Variants in KIRREL3 observed in about 807,000 individuals in gnomAD.
KIRREL3 encodes kin of IRRE-like protein 3.
In KIRREL3, 36 loss-of-function variants were observed where a neutral mutation model predicts 89.7. That is an observed-to-expected ratio of 0.40 (90% CI 0.31 to 0.53). The LOEUF is 0.53. KIRREL3 is among the 20% of genes least tolerant of loss of function. The probability of loss-of-function intolerance (pLI) is 0.49; values close to 1 mark genes in which losing one functional copy is unlikely to be tolerated. For missense variants in KIRREL3, 864 were observed against 1,056.6 expected (o/e 0.82, Z 2.53); for synonymous variants, 445 against 441.4 (o/e 1.01, Z -0.10).
At chr11:126,506,720 T>C (rs773577362) in intron 4 of KIRREL3, among the ~76,000 whole-genome samples, 2 of 152,168 alleles carry the variant, frequency 1.3e-5, no homozygotes, top group Non-Finnish European at 2.9e-5. Flanking sequence ...AATCTACTCA[T>C]GAAAAGTGAA....
intron 1 of KIRREL3, among the ~76,000 whole-genome samples, chr11:126,699,523 T>C (rs1253508327): frequency 6.6e-6 from 1 of 152,226 alleles, no homozygotes; most frequent in African/African-American, 2.4e-5. Flanking sequence ...TCGAATAGTA[T>C]GTTTTATTTT....
At chr11:126,907,921 A>G (rs1395482456) in intron 1 of KIRREL3, among the ~76,000 whole-genome samples, 1 of 152,032 alleles carries the variant, frequency 6.6e-6, no homozygotes, top group Non-Finnish European at 1.5e-5. Context: ...TTCCCCTGGG[A>G]TCTGCGTGGC....
At chr11:126,887,637 G>A (rs1945750802) in intron 1 of KIRREL3, among the ~76,000 whole-genome samples, 13 of 152,062 alleles carry the variant, frequency 8.5e-5, no homozygotes, top group Admixed American at 8.5e-4. Context: ...CCCCAATGTG[G>A]CCAAGAATGT....
chr11:126,504,381 C>A (rs540685059), intron 4 of KIRREL3, among the ~76,000 whole-genome samples: 1 of 152,140 alleles, frequency 6.6e-6, no homozygotes, highest in Non-Finnish European at 1.5e-5. Context: ...TATTGAGAAC[C>A]CTTCCATGAG....
chr11:126,695,682 G>C (rs1011187656), intron 1 of KIRREL3, among the ~76,000 whole-genome samples: 1 of 152,164 alleles, frequency 6.6e-6, no homozygotes, highest in Non-Finnish European at 1.5e-5. Context: ...CTGGCTGCCT[G>C]TCTGTGAGCT....
intron 1 of KIRREL3, among the ~76,000 whole-genome samples, chr11:126,847,901 C>G (rs1944202773): frequency 6.6e-6 from 1 of 152,128 alleles, no homozygotes; most frequent in African/African-American, 2.4e-5. Context: ...AATCTATTTT[C>G]TTTTGTAACA....
At chr11:126,497,509 C>T (rs1013969929) in intron 4 of KIRREL3, among the ~76,000 whole-genome samples, 7 of 152,204 alleles carry the variant, frequency 4.6e-5, no homozygotes, top group Admixed American at 2.6e-4. Context: ...AGGGCCACAA[C>T]GCACTCTTCC....
rs1299455678 is a variant in KIRREL3, at chr11:126,994,471, A to G, written c.55+5984T>C. On this transcript the variant is annotated intron_variant, in intron 1 of 16. Transcript: ENST00000525144. This position sits in a 1 kb window ranked among gnomAD's most constrained non-coding sequence, Gnocchi z 5.2. ...CCAAGGAATAGCTGACATTTATTTA[A>G]TGTTCATAGTGGTGTTGACTGTGTA... Among the ~76,000 whole-genome samples, 1 of 152,212 alleles carries G rather than the reference A, an allele frequency of 6.6e-6. No individual in the cohort carries two copies. The highest frequency in any genetic ancestry group is 2.4e-5 in the African/African-American group (1 of 41,444).
chr11:126,463,644 C>T lies in KIRREL3; in HGVS notation c.592-337G>A, dbSNP rs1007513795. 2.0e-5 allele frequency among the ~76,000 whole-genome samples: 3 copies of T among 152,202 alleles called. No individual in the cohort carries two copies. Among genetic ancestry groups the T allele is most frequent in the Admixed American group, 2.0e-4 (3 of 15,278 alleles). ...CAGGGAGGTCCCATGTTGAAATGAACTCACATCTTTTTGCCTCTGGTGCTT... is the reference window on the plus strand; with the variant it reads ...CAGGGAGGTCCCATGTTGAAATGAATTCACATCTTTTTGCCTCTGGTGCTT... On this transcript the variant is annotated intron_variant, in intron 5 of 16. Coordinates refer to ENST00000525144, the MANE Select transcript of KIRREL3 (RefSeq NM_032531.4). This position sits in a 1 kb window ranked among gnomAD's most constrained non-coding sequence, Gnocchi z 5.9.
At position 126,883,657 on chromosome 11, in the gene KIRREL3, C is replaced by T. The variant is rs1945589623; in HGVS notation, c.55+116798G>A. On this transcript the variant is annotated intron_variant, in intron 1 of 16. Transcript: ENST00000525144. This position sits in a 1 kb window ranked among gnomAD's most constrained non-coding sequence, Gnocchi z 4.1. ...AAACCTCTATTTTAGCATTTACTTC[C>T]TTACACATAGACTTTTTCCATTCCC... Among the ~76,000 whole-genome samples the T allele has an allele frequency of 6.6e-6, 1 of 152,106 alleles. No individual in the cohort carries two copies. Among genetic ancestry groups the T allele is most frequent in the Non-Finnish European group, 1.5e-5 (1 of 68,012 alleles).
chr11:126,889,795 T>TA (rs1945841516), intron 1 of KIRREL3, among the ~76,000 whole-genome samples: 1 of 152,248 alleles, frequency 6.6e-6, no homozygotes, highest in Non-Finnish European at 1.5e-5. Flanking sequence ...GATAATTAGA[T>TA]ATCTTTTGCA....
chr11:126,832,944 C>T (rs146191602), intron 1 of KIRREL3, among the ~76,000 whole-genome samples: 15 of 152,278 alleles, frequency 9.9e-5, no homozygotes, highest in African/African-American at 3.4e-4. Flanking sequence ...GTTAAAATAA[C>T]GTTAAAGGTC....
rs951992665 is a variant in KIRREL3 at position 126,441,054 on chromosome 11, G to T, written c.1253-505C>A. Among the ~76,000 whole-genome samples, 1 of 152,230 alleles carries T rather than the reference G, an allele frequency of 6.6e-6. No individual in the cohort carries two copies. The highest frequency in any genetic ancestry group is 2.4e-5 in the African/African-American group (1 of 41,468). ...CAAATGGGAGCTGCTCGGCCAGACGGGCCAACGGGAAGAAATGGTTGCTGT... is the reference window on the plus strand; with the variant it reads ...CAAATGGGAGCTGCTCGGCCAGACGTGCCAACGGGAAGAAATGGTTGCTGT... On this transcript the variant is annotated intron_variant, in intron 10 of 16. Transcript: ENST00000525144. The surrounding 1 kb of genome is among the most constrained non-coding windows in gnomAD (Gnocchi z 5.0).
At position 126,459,713 on chromosome 11, in the gene KIRREL3, C is replaced by G. The variant is rs777593483; in HGVS notation, c.743-3259G>C. Among the ~76,000 whole-genome samples the G allele has an allele frequency of 2.0e-5, 3 of 152,090 alleles. No homozygotes were observed. Among genetic ancestry groups the G allele is most frequent in the Non-Finnish European group, 2.9e-5 (2 of 68,004 alleles). On this transcript the variant is annotated intron_variant, in intron 6 of 16. Transcript: ENST00000525144. The surrounding 1 kb of genome is among the most constrained non-coding windows in gnomAD (Gnocchi z 4.8). Reference sequence around the variant, plus strand: ...GAGAGTCTGTTAGTGTTTCCATCCGCCCGTGTGTGCGTGTGTCCATGTGTG... The same window carrying G: ...GAGAGTCTGTTAGTGTTTCCATCCGGCCGTGTGTGCGTGTGTCCATGTGTG...
chr11:126,880,460 C>T lies in KIRREL3; in HGVS notation c.55+119995G>A, dbSNP rs1035644130. Among the ~76,000 whole-genome samples, 49 of 152,148 alleles carry T rather than the reference C, an allele frequency of 3.2e-4. 1 individual carries two copies. Among genetic ancestry groups the T allele is most frequent in the Admixed American group, 2.8e-3 (43 of 15,276 alleles). ...CCACATCAGAAGAGCTCTTTAAACG[C>T]TAACAAGAACCAATATTTTAGATTC... On this transcript the variant is annotated intron_variant, in intron 1 of 16. Coordinates refer to ENST00000525144, the MANE Select transcript of KIRREL3 (RefSeq NM_032531.4).
chr11:126,809,758 C>T (rs138951035), intron 1 of KIRREL3, among the ~76,000 whole-genome samples: 1 of 152,152 alleles, frequency 6.6e-6, no homozygotes, highest in Non-Finnish European at 1.5e-5. Context: ...AAGAGATTTG[C>T]CCTCTCCAAG....
At chr11:126,662,909 T>TTC (rs2135021765) in intron 1 of KIRREL3, among the ~76,000 whole-genome samples, 1 of 145,264 alleles carries the variant, frequency 6.9e-6, no homozygotes, top group African/African-American at 2.5e-5. Context: ...GTCCTTTCTT[T>TTC]TTTTTTTTTT....
rs1946263476 is a variant in KIRREL3 at position 126,898,856 on chromosome 11, A to G, written c.55+101599T>C. 6.6e-6 allele frequency among the ~76,000 whole-genome samples: 1 copy of G among 152,148 alleles called. No homozygotes were observed. The highest frequency in any genetic ancestry group is 2.4e-5 in the African/African-American group (1 of 41,428). On this transcript the variant is annotated intron_variant, in intron 1 of 16. Coordinates refer to ENST00000525144, the MANE Select transcript of KIRREL3 (RefSeq NM_032531.4). This position sits in a 1 kb window ranked among gnomAD's most constrained non-coding sequence, Gnocchi z 4.9. ...ATATTCAATTTAAAAAATAGCACATAACTTAGAACATGGAATAAATGCCAA... is the reference window on the plus strand; with the variant it reads ...ATATTCAATTTAAAAAATAGCACATGACTTAGAACATGGAATAAATGCCAA...
intron 1 of KIRREL3, among the ~76,000 whole-genome samples, chr11:126,932,561 G>T (rs1653138687): frequency 6.6e-6 from 1 of 152,322 alleles, no homozygotes; most frequent in East Asian, 1.9e-4. Context: ...AAGTCTCAAT[G>T]CATTGAACCC....
Sources: gnomAD v4.1 joint callset for allele counts (sites outside exome capture counted in the v4.1 genomes callset) on GRCh38, gnomAD v4.1.1 for gene constraint, Gnocchi (gnomAD v3.1) non-coding constraint, MANE v1.5 for transcripts, NCBI Gene and HGNC (gene_info 2026-07-23, HGNC 2026-07-21) for gene names.